Variants in IQCM observed in about 807,000 individuals in gnomAD.
IQCM encodes the protein IQ motif containing M, also known as IQ domain-containing protein M.
A neutral mutation model predicts 57.6 loss-of-function variants in IQCM; 45 were observed. The ratio of observed to expected loss-of-function variants is 0.78; its 90% confidence interval spans 0.62 to 1.00. The LOEUF (loss-of-function observed/expected upper bound fraction) is 1.00, where lower values mean the gene tolerates loss of function less well. IQCM is among the 50% of genes least tolerant of loss of function. The pLI, the probability that IQCM is intolerant of heterozygous loss-of-function variation, is 0.00. For missense variants in IQCM, 468 were observed against 511.6 expected (o/e 0.91, Z 0.82); for synonymous variants, 148 against 158.9 (o/e 0.93, Z 0.51).
intron 12 of IQCM, among the ~76,000 whole-genome samples, chr4:149,489,342 T>C (rs939305342): frequency 6.6e-6 from 1 of 152,106 alleles, no homozygotes. Context: ...TGATTCCTTA[T>C]TTTGTTACAT....
intron 7 of IQCM, among the ~76,000 whole-genome samples, chr4:149,627,251 G>T (rs1225300767): frequency 6.6e-6 from 1 of 152,168 alleles, no homozygotes; most frequent in Non-Finnish European, 1.5e-5. Flanking sequence ...CACCTCAGCA[G>T]AGCTCAACTT....
intron 2 of IQCM, among the ~76,000 whole-genome samples, chr4:149,747,163 G>C (rs1214603992): frequency 2.7e-5 from 4 of 148,610 alleles, no homozygotes; most frequent in African/African-American, 7.7e-5. Flanking sequence ...CCAAACAATA[G>C]GAATAAGAAA....
chr4:149,674,123 A>T (rs1201153619), intron 7 of IQCM, among the ~76,000 whole-genome samples: 1 of 152,156 alleles, frequency 6.6e-6, no homozygotes, highest in Non-Finnish European at 1.5e-5. Flanking sequence ...AGAAAAAGAT[A>T]CAATGAAACA....
chr4:149,632,171 T>C (rs1484071230), intron 7 of IQCM, among the ~76,000 whole-genome samples: 2 of 152,210 alleles, frequency 1.3e-5, no homozygotes, highest in African/African-American at 2.4e-5. Flanking sequence ...TGACTTTCCA[T>C]GATATCTTCA....
chr4:149,388,552 TATA>T (rs1731602377), intron 13 of IQCM, among the ~76,000 whole-genome samples: 1 of 133,516 alleles, frequency 7.5e-6, no homozygotes, highest in African/African-American at 2.7e-5. Flanking sequence ...ATATAATATA[TATA>T]ATATATTTAT....
chr4:149,437,204 ACTGGTGGTCTCT>A (rs1479431997), intron 12 of IQCM, among the ~76,000 whole-genome samples: 8 of 152,200 alleles, frequency 5.3e-5, no homozygotes, highest in African/African-American at 1.7e-4. Context: ...TTACGAGTGA[ACTGGTGGTCTCT>A]CCCGTTGCTA....
At chr4:149,530,775 A>G (rs1451576128) in intron 12 of IQCM, among the ~76,000 whole-genome samples, 2 of 143,194 alleles carry the variant, frequency 1.4e-5, no homozygotes, top group African/African-American at 5.1e-5. Context: ...ACACCTGCAT[A>G]CTCAGACACA....
At chr4:149,520,131 T>C (rs948103251) in intron 12 of IQCM, among the ~76,000 whole-genome samples, 1 of 152,154 alleles carries the variant, frequency 6.6e-6, no homozygotes, top group African/African-American at 2.4e-5. Context: ...CATTTTAAAG[T>C]GCTTATCTAT....
intron 8 of IQCM, among the ~76,000 whole-genome samples, chr4:149,609,567 G>T (rs746581430): frequency 2.0e-5 from 3 of 151,842 alleles, no homozygotes; most frequent in Non-Finnish European, 4.4e-5. Context: ...CCCCAGGGAT[G>T]CAAAGATGGC....
chr4:149,353,063 T>A (rs1246282816), intron 13 of IQCM, among the ~76,000 whole-genome samples: 2 of 152,170 alleles, frequency 1.3e-5, no homozygotes, highest in Non-Finnish European at 2.9e-5. Context: ...ATCTCCATAT[T>A]GTTATTTGAC....
chr4:149,529,253 G>A (rs1746493280), intron 12 of IQCM, among the ~76,000 whole-genome samples: 1 of 152,062 alleles, frequency 6.6e-6, no homozygotes, highest in Non-Finnish European at 1.5e-5. Context: ...TAGTAGAGAT[G>A]GGATTTCAGC....
At chr4:149,762,143 T>C (rs1248118179) in intron 2 of IQCM, among the ~76,000 whole-genome samples, 7 of 151,874 alleles carry the variant, frequency 4.6e-5, no homozygotes, top group South Asian at 4.1e-4. Context: ...CAAGAGGTCA[T>C]AATTTTTAAA....
intron 5 of IQCM, among the ~76,000 whole-genome samples, chr4:149,716,193 C>T (rs1764980597): frequency 6.6e-6 from 1 of 152,210 alleles, no homozygotes; most frequent in South Asian, 2.1e-4. Flanking sequence ...TACCTCCAGT[C>T]CCACACCGAG....
At chr4:149,477,164 A>C (rs1348891070) in intron 12 of IQCM, among the ~76,000 whole-genome samples, 14 of 152,228 alleles carry the variant, frequency 9.2e-5, no homozygotes, top group Admixed American at 9.2e-4. Context: ...GGCTGAATAC[A>C]TAAAGTTAAA....
At chr4:149,541,443 T>G (rs945783376) in intron 12 of IQCM, among the ~76,000 whole-genome samples, 18 of 152,120 alleles carry the variant, frequency 1.2e-4, no homozygotes, top group Admixed American at 1.1e-3. Flanking sequence ...GAACTAAAAG[T>G]TCTATTTACA....
chr4:149,384,044 A>G (rs1731253364), intron 13 of IQCM, among the ~76,000 whole-genome samples: 1 of 152,184 alleles, frequency 6.6e-6, no homozygotes, highest in African/African-American at 2.4e-5. Context: ...TGTAGGACAG[A>G]TGATAAAAAG....
rs184069430 is a variant in IQCM, at chr4:149,592,060, C to T, written c.682-4063G>A. ...CTTCCACAATGGTTGAGTTAGTTTA[C>T]AGTCCCACCAACAGTGTAAAAGTGT... On this transcript the variant is annotated intron_variant, in intron 8 of 13. Transcript: ENST00000636793. Among the ~76,000 whole-genome samples the T allele has an allele frequency of 5.7e-3, 863 of 152,268 alleles. 28 individuals carry two copies. Among genetic ancestry groups the T allele is most frequent in the Admixed American group, 0.052 (796 of 15,286 alleles).
At chr4:149,427,962 C>T (rs749082455) in intron 13 of IQCM, among the ~76,000 whole-genome samples, 7 of 151,978 alleles carry the variant, frequency 4.6e-5, no homozygotes, top group Non-Finnish European at 8.8e-5. Context: ...CAAGCAGATA[C>T]TCTATAGGCA....
At chr4:149,774,320 CT>C (rs1402872957) in intron 2 of IQCM, among the ~76,000 whole-genome samples, 2 of 152,128 alleles carry the variant, frequency 1.3e-5, no homozygotes, top group East Asian at 3.9e-4. Context: ...AGTTCTTTTT[CT>C]TGCAGAACCA....
Sources: allele counts gnomAD v4.1 joint callset (sites outside exome capture counted in the v4.1 genomes callset), GRCh38; gene constraint gnomAD v4.1.1; transcripts MANE v1.5; gene names NCBI Gene and HGNC (gene_info 2026-07-23, HGNC 2026-07-21).